The following TNS2 variants were observed in gnomAD, a reference collection of about 807,000 sequenced individuals.
TNS2 encodes tensin 2.
TNS2 carries 77 observed loss-of-function variants against 155.7 expected under a neutral mutation model. The observed-to-expected ratio is 0.49, with a 90% CI of 0.41 to 0.60. The LOEUF (loss-of-function observed/expected upper bound fraction) is 0.60. Ranked by LOEUF, TNS2 falls within the 20% of genes least tolerant of loss-of-function variation. The pLI, the probability that TNS2 is intolerant of heterozygous loss-of-function variation, is 0.00. For missense variants in TNS2, 1,703 were observed against 1,868.8 expected (o/e 0.91, Z 1.64); for synonymous variants, 726 against 763.9 (o/e 0.95, Z 0.82).
chr12:53,058,675 C>G (rs1468287524), intron 16 of TNS2, 38 bp downstream of exon 16: 3 of 1,614,012 alleles, frequency 1.9e-6, no homozygotes, highest in Non-Finnish European at 2.5e-6. Flanking sequence ...TGAGGGCCGC[C>G]TCTCCCCTGC....
chr12:53,050,049 TCTC>T, upstream of TNS2: 3 of 1,482,854 alleles, frequency 2.0e-6, no homozygotes, highest in Non-Finnish European at 2.7e-6. This position sits in a 1 kb window ranked among gnomAD's most constrained non-coding sequence, Gnocchi z 4.7. Flanking sequence ...GGGCCGGGCT[TCTC>T]CTCACACCAG....
chr12:53,050,128 G>C lies in TNS2; in HGVS notation c.-58G>C. ...CGCCAGGCCGCTTCCAGGAAGCCCC[G>C]GGCCAGGCCCCAGCATTGTTCAGGC... is the stretch of plus-strand genomic sequence containing the variant. On this transcript the variant is annotated 5_prime_UTR_variant, in exon 1 of 29. Coordinates refer to ENST00000314250, the MANE Select transcript of TNS2 (RefSeq NM_170754.4). The surrounding 1 kb of genome is among the most constrained non-coding windows in gnomAD (Gnocchi z 4.7). 1 of 1,584,222 alleles carries C rather than the reference G, an allele frequency of 6.3e-7. No individual in the cohort carries two copies. Among genetic ancestry groups the C allele is most frequent in the Non-Finnish European group, 8.6e-7 (1 of 1,167,524 alleles).
At position 53,060,919 on chromosome 12, in the gene TNS2, G is replaced by A; in HGVS notation, c.3013G>A (p.Val1005Met). The A allele has an allele frequency of 1.3e-6, 2 of 1,596,014 alleles. No homozygotes were observed. Among genetic ancestry groups the A allele is most frequent in the Non-Finnish European group, 1.7e-6 (2 of 1,171,366 alleles). The change falls in exon 20 of 29, where the codon GTG becomes ATG. Residue 1005 changes from valine (V) to methionine (M), a missense_variant. By Grantham distance (21) the Val-to-Met change is conservative. Coordinates refer to ENST00000314250, the MANE Select transcript of TNS2 (RefSeq NM_170754.4). The surrounding 1 kb of genome is among the most constrained non-coding windows in gnomAD (Gnocchi z 6.1). Reference protein sequence around the residue: ...HSDGASPRSPVPTTLPGLRHA... With the variant: ...HSDGASPRSPMPTTLPGLRHA... ...AGATGGCGCCAGTCCTCGGAGCCCT[G>A]TGCCCACCACACTTCCTGGCCTCCG...
intron 13 of TNS2, 80 bp downstream of exon 13, chr12:53,057,913 C>T (rs1944217489): frequency 1.2e-6 from 2 of 1,609,952 alleles, no homozygotes; most frequent in Non-Finnish European, 1.7e-6. Context: ...CTCCAGCCTC[C>T]CTAGACACCT....
rs771697694 is a variant in TNS2, at chr12:53,059,359, G to C, written c.1718G>C (p.Gly573Ala). 2.1e-6 allele frequency: 3 copies of C among 1,453,224 alleles called. No individual in the cohort carries two copies. In the African/African-American group the frequency reaches 4.3e-5, roughly 21 times the overall value. The allele number at this position is 1,453,224 out of a possible 1,614,324, so 90.0% of individuals were successfully genotyped here. A position where few individuals can be genotyped will look rare whatever the true frequency, so the allele number is the denominator to read the frequency against. ...GATGACGAAGAGCAGCCCACTGTGG[G>C]CGGAGGCCCCCACCTCGGAGTGTAT... The part of the protein sequence containing the change: ...ILDDEEQPTV[G>A]GGPHLGVYPG... The change falls in exon 18 of 29, where the codon GGC (glycine) becomes GCC (alanine). Residue 573 changes from glycine (G) to alanine (A), a missense_variant. Physicochemically the swap from Gly to Ala is moderately conservative, Grantham distance 60. Transcript: ENST00000314250. The surrounding 1 kb of genome is among the most constrained non-coding windows in gnomAD (Gnocchi z 4.7).
intron 25 of TNS2, 61 bp downstream of exon 25, chr12:53,062,758 C>T (rs1944424116): frequency 1.9e-6 from 3 of 1,586,972 alleles, no homozygotes; most frequent in South Asian, 1.1e-5. Flanking sequence ...ATTGTGGATA[C>T]AGGGCATGGG....
chr12:53,054,659 C>T (rs1944076063), intron 7 of TNS2, among the ~76,000 whole-genome samples: 1 of 152,022 alleles, frequency 6.6e-6, no homozygotes, highest in Admixed American at 6.6e-5. Flanking sequence ...CCTTAGCTAC[C>T]TTTTTATTTT....
At chr12:53,054,237 C>T (rs1944045529) in intron 6 of TNS2, 33 bp from the exon 7 acceptor site, 2 of 1,609,694 alleles carry the variant, frequency 1.2e-6, no homozygotes, top group African/African-American at 1.3e-5. Context: ...GGTGCCCCGC[C>T]CCTGCGTTCA....
chr12:53,060,129 T>A lies in TNS2; in HGVS notation c.2488T>A (p.Ser830Thr). The change falls in exon 18 of 29, where the codon TCC becomes ACC. Residue 830 changes from serine (S) to threonine (T), a missense_variant. Physicochemically the swap from Ser to Thr is moderately conservative, Grantham distance 58 (BLOSUM62 1). Coordinates refer to ENST00000314250, the MANE Select transcript of TNS2 (RefSeq NM_170754.4). The surrounding 1 kb of genome is among the most constrained non-coding windows in gnomAD (Gnocchi z 6.1). The stretch of plus-strand genomic sequence containing the variant: ...TGGTGCCCACTCCCCACGGGCTGGC[T>A]CCATTTCCCCGGGCAGCCCGCCCTA... Reference protein sequence around the residue: ...SPGAHSPRAGSISPGSPPYPQ... With the variant: ...SPGAHSPRAGTISPGSPPYPQ... 6.2e-7 allele frequency: 1 copy of A among 1,610,466 alleles called. No individual in the cohort carries two copies. Among genetic ancestry groups the A allele is most frequent in the South Asian group, 1.1e-5 (1 of 90,886 alleles).
At chr12:53,053,514 T>C in intron 4 of TNS2, 65 bp downstream of exon 4, 2 of 1,596,772 alleles carry the variant, frequency 1.3e-6, no homozygotes, top group Non-Finnish European at 1.7e-6. Context: ...AGAGGTCTGG[T>C]GGCTCCAGAG....
chr12:53,049,262 T>C (rs987063083), upstream of TNS2: 1 of 1,603,262 alleles, frequency 6.2e-7, no homozygotes, highest in Admixed American at 1.7e-5. Flanking sequence ...GTACTCAGGC[T>C]TCGGGGTTGC....
At chr12:53,054,795 C>T (rs1237661607) in intron 7 of TNS2, among the ~76,000 whole-genome samples, 1 of 151,594 alleles carries the variant, frequency 6.6e-6, no homozygotes, top group Non-Finnish European at 1.5e-5. Flanking sequence ...CCACCTCAGC[C>T]TCAGTAGCTA....
Position 53,059,274 on chromosome 12 carries a change from C to A in TNS2, c.1633C>A (p.Leu545Ile). Residue 545 changes from leucine to isoleucine, a missense_variant, in exon 18 of 29, where the codon CTA (leucine) becomes ATA (isoleucine). Physicochemically the swap from Leu to Ile is conservative, Grantham distance 5 (BLOSUM62 2). Transcript: ENST00000314250. The surrounding 1 kb of genome is among the most constrained non-coding windows in gnomAD (Gnocchi z 4.7). ...TGAACGGCAGGAGCTGGATCGCCTCCTAGGAGGCTGCGGAGTGGCCAGTGG... is the reference window on the plus strand; with the variant it reads ...TGAACGGCAGGAGCTGGATCGCCTCATAGGAGGCTGCGGAGTGGCCAGTGG... ...AAERQELDRL[L>I]GGCGVASGGR... 1 of 1,497,866 alleles carries A rather than the reference C, an allele frequency of 6.7e-7. No homozygotes were observed. Among genetic ancestry groups the A allele is most frequent in the Admixed American group, 2.4e-5 (1 of 42,154 alleles). The allele number at this position is 1,497,866 out of a possible 1,614,324, so 92.8% of individuals were successfully genotyped here.
chr12:53,057,625 C>T lies in TNS2; in HGVS notation c.904C>T (p.Leu302Phe), dbSNP rs991935948. The T allele has an allele frequency of 6.2e-7, 1 of 1,613,942 alleles. No homozygotes were observed. Among genetic ancestry groups the T allele is most frequent in the Non-Finnish European group, 8.5e-7 (1 of 1,179,944 alleles). Residue 302 changes from leucine to phenylalanine, a missense_variant, in exon 12 of 29, where the codon CTC becomes TTC. Transcript: ENST00000314250. Reference sequence around the variant, plus strand: ...CTCCATCAGAATGAACAGCAGCCCTCTCTTCCTGCACTATGTGCTCATCCC... The same window carrying T: ...CTCCATCAGAATGAACAGCAGCCCTTTCTTCCTGCACTATGTGCTCATCCC... The part of the protein sequence containing the change: ...SGSIRMNSSP[L>F]FLHYVLIPML...
In TNS2 at chr12:53,061,107, C is replaced by G. The variant is rs768466220; in HGVS notation, c.3201C>G (p.Gly1067=). ...FPLAASYDTN[G]LSQPPLPEKR... Reference sequence around the variant, plus strand: ...TGGCTGCCTCCTATGACACCAATGGCCTTAGCCAGCCCCCACTTCCTGAGA... The same window carrying G: ...TGGCTGCCTCCTATGACACCAATGGGCTTAGCCAGCCCCCACTTCCTGAGA... Residue 1067 remains glycine, a synonymous_variant, in exon 20 of 29, where the codon GGC becomes GGG. Coordinates refer to ENST00000314250, the MANE Select transcript of TNS2 (RefSeq NM_170754.4). The G allele has an allele frequency of 6.2e-7, 1 of 1,610,974 alleles. No individual in the cohort carries two copies. The highest frequency in any genetic ancestry group is 1.7e-5 in the Admixed American group (1 of 59,588).
intron 22 of TNS2, 30 bp downstream of exon 22, chr12:53,061,970 G>A (rs1565612970): frequency 6.2e-7 from 1 of 1,609,116 alleles, no homozygotes; most frequent in Non-Finnish European, 8.5e-7. Flanking sequence ...GAGTGGGGTG[G>A]GGATGAAGTT....
chr12:53,047,677 C>T (rs552909161), upstream of TNS2, among the ~76,000 whole-genome samples: 1 of 152,024 alleles, frequency 6.6e-6, no homozygotes, highest in Non-Finnish European at 1.5e-5. Context: ...GCCCGGGACC[C>T]GGCAGCAGCT....
chr12:53,057,326 C>G (rs904094165), intron 11 of TNS2, among the ~76,000 whole-genome samples: 4 of 152,172 alleles, frequency 2.6e-5, no homozygotes, highest in African/African-American at 9.7e-5. Flanking sequence ...ATAAAGAGAA[C>G]CTGAAGGACA....
chr12:53,061,641 C>A, intron 21 of TNS2, 172 bp downstream of exon 21: 2 of 1,356,278 alleles, frequency 1.5e-6, no homozygotes, highest in Non-Finnish European at 1.0e-6. Context: ...GCGGTGAGAT[C>A]CAACATGGTC....
Sources: allele counts gnomAD v4.1 joint callset (sites outside exome capture counted in the v4.1 genomes callset), GRCh38; gene constraint gnomAD v4.1.1; non-coding constraint Gnocchi (gnomAD v3.1); transcripts MANE v1.5; gene names NCBI Gene and HGNC (gene_info 2026-07-23, HGNC 2026-07-21).